Variants in VPS13B observed in about 807,000 individuals in gnomAD.
VPS13B encodes the protein intermembrane lipid transfer protein VPS13B.
Under a neutral mutation model 426.4 loss-of-function variants are expected in VPS13B, and 285 were observed. That is an observed-to-expected ratio of 0.67 (90% confidence interval 0.61 to 0.74). The LOEUF is 0.74. Ranked by LOEUF, VPS13B falls within the 30% of genes least tolerant of loss-of-function variation. The pLI is 0.00. For missense variants in VPS13B, 4,537 were observed against 4,782.6 expected (o/e 0.95, Z 1.51); for synonymous variants, 1,676 against 1,676.4 (o/e 1.00, Z 0.01).
intron 16 of VPS13B, among the ~76,000 whole-genome samples, chr8:99,172,271 G>C (rs2132669212): frequency 6.6e-6 from 1 of 152,182 alleles, no homozygotes; most frequent in East Asian, 1.9e-4. Context: ...ACATATTTTG[G>C]AAGTTTGGAG....
chr8:99,340,588 G>A, intron 19 of VPS13B: 1 of 453,732 alleles, frequency 2.2e-6, no homozygotes, highest in South Asian at 1.8e-5. Context: ...GCTTCCACGA[G>A]AGGACCTCAT....
At chr8:99,805,036 A>G (rs1474399077) in intron 43 of VPS13B, among the ~76,000 whole-genome samples, 2 of 150,398 alleles carry the variant, frequency 1.3e-5, no homozygotes, top group African/African-American at 4.9e-5. Flanking sequence ...AAGTTTTGAT[A>G]TATAAATAAT....
At chr8:99,645,555 A>G (rs528884424) in intron 34 of VPS13B, among the ~76,000 whole-genome samples, 79 of 152,318 alleles carry the variant, frequency 5.2e-4, no homozygotes, top group Non-Finnish European at 9.8e-4. Context: ...AACAAAGTCC[A>G]TTCCAGTTCT....
At chr8:99,085,982 T>C (rs535284818) in intron 3 of VPS13B, among the ~76,000 whole-genome samples, 14 of 152,154 alleles carry the variant, frequency 9.2e-5, no homozygotes, top group Admixed American at 7.2e-4. Flanking sequence ...GTTTTCTGTA[T>C]TTCCTGAATT....
At chr8:99,553,216 G>A (rs1031598448) in intron 30 of VPS13B, among the ~76,000 whole-genome samples, 3 of 152,014 alleles carry the variant, frequency 2.0e-5, no homozygotes, top group Non-Finnish European at 2.9e-5. Flanking sequence ...ACATTATTTG[G>A]GAGACTTCCC....
intron 17 of VPS13B, among the ~76,000 whole-genome samples, chr8:99,227,750 T>G (rs553257094): frequency 6.6e-6 from 1 of 152,128 alleles, no homozygotes; most frequent in Admixed American, 6.5e-5. Context: ...TAGTAGATGG[T>G]TATACTATTT....
At chr8:99,725,825 T>A (rs1257974599) in intron 39 of VPS13B, among the ~76,000 whole-genome samples, 1 of 152,214 alleles carries the variant, frequency 6.6e-6, no homozygotes, top group Non-Finnish European at 1.5e-5. Flanking sequence ...ATTACATTAC[T>A]CAACCTCTTT....
intron 34 of VPS13B, among the ~76,000 whole-genome samples, chr8:99,646,444 G>T (rs1347558768): frequency 6.6e-6 from 1 of 152,154 alleles, no homozygotes; most frequent in African/African-American, 2.4e-5. Context: ...AGGATCACCT[G>T]AGCCTGGGAA....
intron 31 of VPS13B, among the ~76,000 whole-genome samples, chr8:99,558,562 C>G (rs909067805): frequency 6.6e-6 from 1 of 151,984 alleles, no homozygotes; most frequent in African/African-American, 2.4e-5. Flanking sequence ...CTCCCCCCTA[C>G]CCCCACCCCA....
chr8:99,360,226 CTT>C (rs869062897), intron 19 of VPS13B, among the ~76,000 whole-genome samples: 601 of 19,218 alleles, frequency 0.031, 39 homozygotes, highest in African/African-American at 0.064. Context: ...TTCTTTCTTT[CTT>C]TCTTTCTCTC....
At chr8:99,807,702 T>C (rs1011719328) in intron 43 of VPS13B, among the ~76,000 whole-genome samples, 2 of 151,280 alleles carry the variant, frequency 1.3e-5, no homozygotes, top group African/African-American at 4.8e-5. Flanking sequence ...TGTGTGTGTG[T>C]GTACGCACAC....
chr8:99,178,579 T>TA (rs892471526), intron 16 of VPS13B, among the ~76,000 whole-genome samples: 69 of 152,080 alleles, frequency 4.5e-4, no homozygotes, highest in African/African-American at 1.6e-3. Context: ...CCTAGAGAGA[T>TA]AAAATCGCTT....
intron 17 of VPS13B, among the ~76,000 whole-genome samples, chr8:99,222,591 G>T (rs1815785695): frequency 6.6e-6 from 1 of 152,100 alleles, no homozygotes; most frequent in Non-Finnish European, 1.5e-5. Flanking sequence ...AAGGAATTTA[G>T]GTGGATTAAA....
intron 16 of VPS13B, among the ~76,000 whole-genome samples, chr8:99,184,847 C>T (rs2132704974): frequency 6.6e-6 from 1 of 152,222 alleles, no homozygotes; most frequent in South Asian, 2.1e-4. Context: ...AAAAATTAGC[C>T]AGGTGCAGTG....
At chr8:99,060,416 C>T (rs2132296271) in intron 3 of VPS13B, among the ~76,000 whole-genome samples, 1 of 152,186 alleles carries the variant, frequency 6.6e-6, no homozygotes, top group African/African-American at 2.4e-5. Context: ...CGAGACCAGC[C>T]TGGTCAACAT....
At chr8:99,517,089 C>G (rs755718999) in intron 29 of VPS13B, among the ~76,000 whole-genome samples, 3 of 152,138 alleles carry the variant, frequency 2.0e-5, no homozygotes, top group Non-Finnish European at 4.4e-5. Flanking sequence ...AAAGCTGTCA[C>G]AACAGTTTTG....
intron 19 of VPS13B, among the ~76,000 whole-genome samples, chr8:99,357,977 GA>G (rs1279714231): frequency 1.3e-5 from 2 of 150,628 alleles, no homozygotes; most frequent in Non-Finnish European, 2.9e-5. Context: ...GTAAAATGGG[GA>G]TGGTTTATTT....
intron 23 of VPS13B, among the ~76,000 whole-genome samples, chr8:99,463,276 T>G (rs1336796588): frequency 1.3e-5 from 2 of 152,200 alleles, no homozygotes; most frequent in African/African-American, 4.8e-5. Context: ...TCTTAGAGTA[T>G]TATATTTCTT....
chr8:99,606,714 C>T (rs1298712696), intron 33 of VPS13B, among the ~76,000 whole-genome samples: 4 of 150,858 alleles, frequency 2.7e-5, no homozygotes, highest in South Asian at 2.1e-4. Flanking sequence ...CTGCAACCTC[C>T]GCCTCCCAGA....
Sources: gnomAD v4.1 joint callset for allele counts (sites outside exome capture counted in the v4.1 genomes callset) on GRCh38, gnomAD v4.1.1 for gene constraint, MANE v1.5 for transcripts, NCBI Gene and HGNC (gene_info 2026-07-23, HGNC 2026-07-21) for gene names.